FBXL7: variants seen among roughly 807,000 people sequenced by gnomAD.
FBXL7 encodes F-box and leucine rich repeat protein 7, also known as F-box/LRR-repeat protein 7.
A neutral mutation model predicts 38.3 loss-of-function variants in FBXL7; 12 were observed. The observed-to-expected ratio is 0.31, with a 90% CI of 0.20 to 0.51. The LOEUF (loss-of-function observed/expected upper bound fraction) is 0.51, where lower values mean the gene tolerates loss of function less well. Ranked by LOEUF, FBXL7 falls within the 20% of genes least tolerant of loss-of-function variation. The pLI is 0.98. For missense variants in FBXL7, 567 were observed against 676.4 expected (o/e 0.84, Z 1.79); for synonymous variants, 297 against 300.9 (o/e 0.99, Z 0.13).
chr5:15,612,823 G>A (rs748807279), intron 1 of FBXL7, among the ~76,000 whole-genome samples: 8 of 152,146 alleles, frequency 5.3e-5, no homozygotes, highest in South Asian at 4.1e-4. Context: ...TCACGCAGCC[G>A]GGAGTGGGCA....
rs763987614 is a variant in FBXL7 at position 15,939,405 on chromosome 5, C to A, written c.*2219C>A. On this transcript the variant is annotated 3_prime_UTR_variant, in exon 4 of 4. Coordinates refer to ENST00000504595, the MANE Select transcript of FBXL7 (RefSeq NM_012304.5). ...ATACTCTGAGAATGAGCAGGGAGAT[C>A]CAGAGAATGAATCCCTGACCGCATC... 5.0e-6 allele frequency: 1 copy of A among 200,174 alleles called. No individual in the cohort carries two copies. Among genetic ancestry groups the A allele is most frequent in the Non-Finnish European group, 1.0e-5 (1 of 100,024 alleles). 12.4% of individuals were successfully genotyped at this position (200,174 alleles called of 1,614,324 possible). A position where few individuals can be genotyped will look rare whatever the true frequency, so the allele number is the denominator to read the frequency against.
intron 2 of FBXL7, among the ~76,000 whole-genome samples, chr5:15,784,470 T>C (rs1405648392): frequency 2.6e-5 from 4 of 152,078 alleles, no homozygotes; most frequent in Admixed American, 6.6e-5. Context: ...TTAGAGAATA[T>C]GTAAGAATAT....
intron 2 of FBXL7, among the ~76,000 whole-genome samples, chr5:15,767,537 C>T (rs1389485704): frequency 6.6e-6 from 1 of 152,066 alleles, no homozygotes; most frequent in Non-Finnish European, 1.5e-5. Flanking sequence ...CCCAGGGCTA[C>T]TCTAGAGGTA....
chr5:15,550,934 C>T (rs1738048519), intron 1 of FBXL7, among the ~76,000 whole-genome samples: 2 of 152,238 alleles, frequency 1.3e-5, no homozygotes, highest in African/African-American at 4.8e-5. Flanking sequence ...TTGACTTAAA[C>T]AGTAGCATAT....
At chr5:15,510,244 T>G (rs2126354836) in intron 1 of FBXL7, among the ~76,000 whole-genome samples, 1 of 152,362 alleles carries the variant, frequency 6.6e-6, no homozygotes, top group South Asian at 2.1e-4. Context: ...GGTAAATTCC[T>G]TTGCTGCAGT....
intron 1 of FBXL7, chr5:15,580,765 C>T (rs1288974851): frequency 4.1e-5 from 40 of 985,360 alleles, no homozygotes; most frequent in African/African-American, 1.0e-4. Flanking sequence ...TGTGTGTTTC[C>T]AGACCGTCAA....
intron 2 of FBXL7, among the ~76,000 whole-genome samples, chr5:15,832,371 G>A (rs376433050): frequency 6.6e-6 from 1 of 152,228 alleles, no homozygotes; most frequent in South Asian, 2.1e-4. Context: ...ACACTCACTA[G>A]GGAATAAATC....
intron 2 of FBXL7, among the ~76,000 whole-genome samples, chr5:15,677,548 G>GA (rs774250338): frequency 2.0e-5 from 3 of 151,752 alleles, no homozygotes; most frequent in Admixed American, 6.6e-5. Flanking sequence ...GGAAGGAAAG[G>GA]AAGGAAGGAA....
chr5:15,782,738 G>A (rs553387138), intron 2 of FBXL7, among the ~76,000 whole-genome samples: 43 of 152,176 alleles, frequency 2.8e-4, no homozygotes, highest in African/African-American at 1.0e-3. Flanking sequence ...AGTAAGGAGG[G>A]ATGAAATCCA....
At chr5:15,808,705 AAGCAT>A in intron 2 of FBXL7, among the ~76,000 whole-genome samples, 1 of 152,190 alleles carries the variant, frequency 6.6e-6, no homozygotes, top group Non-Finnish European at 1.5e-5. Context: ...CCTTTCAAGA[AAGCAT>A]GGACTCTGCA....
intron 2 of FBXL7, among the ~76,000 whole-genome samples, chr5:15,914,868 G>A (rs1385897191): frequency 1.3e-5 from 2 of 152,200 alleles, no homozygotes; most frequent in African/African-American, 2.4e-5. Context: ...TCCTGGCCTC[G>A]AAGTGCTCAC....
intron 2 of FBXL7, among the ~76,000 whole-genome samples, chr5:15,674,744 A>G (rs1742596659): frequency 6.6e-6 from 1 of 152,214 alleles, no homozygotes; most frequent in Non-Finnish European, 1.5e-5. Flanking sequence ...CAAAAACGCA[A>G]CTGATAATTA....
At chr5:15,912,345 C>T (rs59986913) in intron 2 of FBXL7, among the ~76,000 whole-genome samples, 2 of 133,052 alleles carry the variant, frequency 1.5e-5, no homozygotes, top group South Asian at 2.6e-4. Flanking sequence ...TGACCCCTTG[C>T]GCTTCCCAGG....
At chr5:15,900,133 A>G (rs959654982) in intron 2 of FBXL7, among the ~76,000 whole-genome samples, 1 of 152,136 alleles carries the variant, frequency 6.6e-6, no homozygotes. Flanking sequence ...TCACAAGAAT[A>G]TAATCAATTT....
chr5:15,580,744 T>C (rs1217006571), intron 1 of FBXL7: 1 of 985,284 alleles, frequency 1.0e-6, no homozygotes, highest in East Asian at 1.1e-4. Flanking sequence ...TCTCACAAGC[T>C]TCCCTCCTGG....
intron 2 of FBXL7, among the ~76,000 whole-genome samples, chr5:15,874,021 T>C (rs181442531): frequency 1.9e-4 from 29 of 152,240 alleles, no homozygotes; most frequent in African/African-American, 6.7e-4. Flanking sequence ...AAATACCCAA[T>C]AAAATACTGG....
chr5:15,849,414 A>G (rs540326961), intron 2 of FBXL7, among the ~76,000 whole-genome samples: 1 of 152,330 alleles, frequency 6.6e-6, no homozygotes, highest in South Asian at 2.1e-4. Flanking sequence ...TTTAGCTCCC[A>G]TAACTACCAC....
intron 2 of FBXL7, among the ~76,000 whole-genome samples, chr5:15,657,537 T>G (rs1741923614): frequency 6.6e-6 from 1 of 152,078 alleles, no homozygotes; most frequent in South Asian, 2.1e-4. Context: ...TGGAAGAGAT[T>G]AAAATTTTAT....
At chr5:15,831,568 G>A (rs1025944580) in intron 2 of FBXL7, among the ~76,000 whole-genome samples, 1 of 152,178 alleles carries the variant, frequency 6.6e-6, no homozygotes, top group African/African-American at 2.4e-5. Flanking sequence ...ACCCTGTTAA[G>A]CACAGAACTC....
Sources: allele counts gnomAD v4.1 joint callset (sites outside exome capture counted in the v4.1 genomes callset), GRCh38; gene constraint gnomAD v4.1.1; transcripts MANE v1.5; gene names NCBI Gene and HGNC (gene_info 2026-07-23, HGNC 2026-07-21).